The following NAA20 variants were observed in gnomAD, a reference collection of about 807,000 sequenced individuals.
NAA20 encodes N-alpha-acetyltransferase 20, NatB catalytic subunit.
Under a neutral mutation model 23.8 loss-of-function variants are expected in NAA20, and 24 were observed. That is an observed-to-expected ratio of 1.01 (90% CI 0.73 to 1.42). The LOEUF is 1.42. NAA20 is among the 40% of genes most tolerant of loss of function. The pLI is 0.00. For missense variants in NAA20, 166 were observed against 223.1 expected (o/e 0.74, Z 1.63); for synonymous variants, 83 against 77.7 (o/e 1.07, Z -0.36).
intron 1 of NAA20, chr20:20,018,125 G>A: frequency 1.9e-6 from 3 of 1,596,054 alleles, no homozygotes; most frequent in South Asian, 2.2e-5. Context: ...GCAGATCTTA[G>A]GGGAGGCTCG....
intron 4 of NAA20, among the ~76,000 whole-genome samples, chr20:20,027,655 G>A (rs1235864955): frequency 6.6e-6 from 1 of 151,824 alleles, no homozygotes; most frequent in African/African-American, 2.4e-5. Context: ...AGGTTTTGCT[G>A]TTTTCCCTGA....
chr20:20,021,304 TAAG>T lies in NAA20; in HGVS notation c.54-1148_54-1146del, dbSNP rs145425425. ...GGTTAGAGCTATCTTCATGATGTAT[TAAG>T]AAGGTTTTTCATCTTTTCCACTGTC... On this transcript the variant is annotated intron_variant, in intron 1 of 5. Transcript: ENST00000334982. Among the ~76,000 whole-genome samples, 1,230 of 152,270 alleles carry T rather than the reference TAAG, an allele frequency of 8.1e-3. 13 individuals carry two copies. The highest frequency in any genetic ancestry group is 0.011 in the Non-Finnish European group (779 of 68,016).
Position 20,032,561 on chromosome 20 carries a change from T to A in NAA20, c.359T>A (p.Val120Asp). The change falls in exon 5 of 6, where the codon GTT (valine) becomes GAT (aspartate). Residue 120 changes from valine to aspartate, a missense_variant. Val to Asp is a radical substitution (Grantham distance 152). Coordinates refer to ENST00000334982, the MANE Select transcript of NAA20 (RefSeq NM_016100.5). ...LFVRVSNQVA[V>D]NMYKQLGYSV... Reference sequence around the variant, plus strand: ...GTAAGAGTATCTAACCAAGTTGCAGTTAACATGTACAAGCAGTTGGGCTAC... The same window carrying A: ...GTAAGAGTATCTAACCAAGTTGCAGATAACATGTACAAGCAGTTGGGCTAC... The A allele has an allele frequency of 6.2e-7, 1 of 1,613,686 alleles. No individual in the cohort carries two copies. The highest frequency in any genetic ancestry group is 8.5e-7 in the Non-Finnish European group (1 of 1,179,762).
intron 4 of NAA20, among the ~76,000 whole-genome samples, chr20:20,028,691 C>T (rs1182540741): frequency 6.6e-6 from 1 of 152,040 alleles, no homozygotes; most frequent in East Asian, 1.9e-4. Context: ...ATACATGATA[C>T]ATATACATAT....
chr20:20,033,069 TGGG>T, intron 5 of NAA20, 30 bp from the exon 6 acceptor site: 1 of 1,473,970 alleles, frequency 6.8e-7, no homozygotes, highest in Non-Finnish European at 9.5e-7. Context: ...ATACATTTTT[TGGG>T]TGTTTATATT....
At chr20:20,020,812 T>A (rs1183844735) in intron 1 of NAA20, among the ~76,000 whole-genome samples, 1 of 152,142 alleles carries the variant, frequency 6.6e-6, no homozygotes, top group Non-Finnish European at 1.5e-5. Flanking sequence ...TTTCAGGCTG[T>A]CCCAGGAGTG....
At chr20:20,031,460 A>G (rs1242799650) in intron 4 of NAA20, among the ~76,000 whole-genome samples, 1 of 152,144 alleles carries the variant, frequency 6.6e-6, no homozygotes, top group Admixed American at 6.5e-5. Flanking sequence ...TAGATGTGAA[A>G]CCAAAACTAA....
chr20:20,017,337 A>T (rs2043237734), upstream of NAA20: 2 of 1,603,126 alleles, frequency 1.2e-6, no homozygotes, highest in Non-Finnish European at 1.7e-6. Context: ...GCTCCGGGAG[A>T]CTTCCGGCAG....
chr20:20,018,220 A>G lies in NAA20; in HGVS notation c.53+771A>G, dbSNP rs565062346. ...TTGCAGGTACCAATTTTTTTTTTTT[A>G]AGAAAACATTTTATTATGAAGATTC... On this transcript the variant is annotated intron_variant, in intron 1 of 5. Coordinates refer to ENST00000334982, the MANE Select transcript of NAA20 (RefSeq NM_016100.5). 5.5e-4 allele frequency: 392 copies of G among 714,638 alleles called. 3 individuals are homozygous for G. The African/African-American group carries it at 6.3e-3, about 12-fold the overall frequency. 44.3% of individuals were successfully genotyped at this position (714,638 alleles called of 1,614,324 possible). A position where few individuals can be genotyped will look rare whatever the true frequency, so the allele number is the denominator to read the frequency against.
At chr20:20,018,818 T>G in intron 1 of NAA20, 1 of 879,098 alleles carries the variant, frequency 1.1e-6, no homozygotes, top group Non-Finnish European at 1.4e-6. Context: ...GTCACCCCCA[T>G]TTTGTGTATG....
chr20:20,033,062 CA>C (rs1456970089), intron 5 of NAA20, 39 bp from the exon 6 acceptor site: 1 of 1,439,240 alleles, frequency 6.9e-7, no homozygotes, highest in Non-Finnish European at 9.8e-7. Flanking sequence ...TGATATAATA[CA>C]TTTTTTGGGT....
At chr20:20,025,942 T>C (rs560901538) in intron 3 of NAA20, among the ~76,000 whole-genome samples, 175 bp downstream of exon 3, 1 of 151,998 alleles carries the variant, frequency 6.6e-6, no homozygotes, top group Non-Finnish European at 1.5e-5. Flanking sequence ...GCCCAGGCGA[T>C]AACGGCAGTG....
At chr20:20,017,594 G>A (rs759370480) in intron 1 of NAA20, 145 bp downstream of exon 1, 7 of 1,324,302 alleles carry the variant, frequency 5.3e-6, no homozygotes, top group Admixed American at 3.3e-5. Flanking sequence ...GGCCAACGTG[G>A]GCGCCTCCCT....
chr20:20,033,276 A>G lies in NAA20; in HGVS notation c.*89A>G. 9.4e-7 allele frequency: 1 copy of G among 1,064,310 alleles called. No individual in the cohort carries two copies. The highest frequency in any genetic ancestry group is 1.6e-5 in the South Asian group (1 of 64,410). The allele number at this position is 1,064,310 out of a possible 1,614,324, so 65.9% of individuals were successfully genotyped here. On this transcript the variant is annotated 3_prime_UTR_variant, in exon 6 of 6. Transcript: ENST00000334982. ...ATGATTCTGGAGCTCTATTAGGAGAAAAGTAATCATTTTAGGTCTTAAAGA... is the reference window on the plus strand; with the variant it reads ...ATGATTCTGGAGCTCTATTAGGAGAGAAGTAATCATTTTAGGTCTTAAAGA...
chr20:20,032,494 TTTTTC>T lies in NAA20; in HGVS notation c.306-9_306-5del, dbSNP rs1173443470. ...CACATTCTAACATTTTCCTTTTTTG[TTTTTC>T]TTTTAAAGAAAGGGTGGATTTTTTG... is the stretch of plus-strand genomic sequence containing the variant. On this transcript the variant is annotated splice_polypyrimidine_tract_variant and intron_variant, in intron 4 of 5. Coordinates refer to ENST00000334982, the MANE Select transcript of NAA20 (RefSeq NM_016100.5). 4 of 1,605,672 alleles carry T rather than the reference TTTTTC, an allele frequency of 2.5e-6. No homozygotes were observed. In the South Asian group the frequency reaches 4.5e-5, roughly 18 times the overall value.
At chr20:20,026,635 G>A (rs1357406198) in intron 3 of NAA20, 149 bp from the exon 4 acceptor site, 1 of 746,504 alleles carries the variant, frequency 1.3e-6, no homozygotes, top group Non-Finnish European at 2.1e-6. Flanking sequence ...TCAAATAAAA[G>A]CACTAACTGT....
In NAA20 at chr20:20,017,741, G is replaced by A; in HGVS notation, c.53+292G>A. The A allele has an allele frequency of 2.1e-6, 3 of 1,431,810 alleles. No individual in the cohort carries two copies. In the South Asian group the frequency reaches 4.5e-5, roughly 21 times the overall value. The allele number at this position is 1,431,810 out of a possible 1,614,324, so 88.7% of individuals were successfully genotyped here. A position where few individuals can be genotyped will look rare whatever the true frequency, so the allele number is the denominator to read the frequency against. ...TGGGGCAGCGCTCGGGCCTCCGCTC[G>A]TGGTCGCTGTCAGGAGGCGCTGGGG... On this transcript the variant is annotated intron_variant, in intron 1 of 5. Transcript: ENST00000334982.
intron 3 of NAA20, 135 bp from the exon 4 acceptor site, chr20:20,026,649 C>T: frequency 1.1e-6 from 1 of 921,666 alleles, no homozygotes; most frequent in Non-Finnish European, 1.6e-6. Context: ...TAACTGTTAG[C>T]TGGATGACCT....
chr20:20,023,149 G>A (rs1247110129), intron 2 of NAA20, among the ~76,000 whole-genome samples: 3 of 152,176 alleles, frequency 2.0e-5, no homozygotes, highest in South Asian at 2.1e-4. Context: ...CTAGCCAGCC[G>A]TGGTGGCTCA....
Sources: gnomAD v4.1 joint callset for allele counts (sites outside exome capture counted in the v4.1 genomes callset) on GRCh38, gnomAD v4.1.1 for gene constraint, MANE v1.5 for transcripts, NCBI Gene and HGNC (gene_info 2026-07-23, HGNC 2026-07-21) for gene names.